The following DPP6 variants were observed in gnomAD, a reference collection of about 807,000 sequenced individuals.
DPP6 encodes A-type potassium channel modulatory protein DPP6.
DPP6 carries 69 observed loss-of-function variants against 122.6 expected under a neutral mutation model. That is an observed-to-expected ratio of 0.56 (90% CI 0.46 to 0.69). The LOEUF is 0.69. Ranked by LOEUF, DPP6 falls within the 30% of genes least tolerant of loss-of-function variation. The probability of loss-of-function intolerance (pLI) is 0.00; values close to 1 mark genes in which losing one functional copy is unlikely to be tolerated. For missense variants in DPP6, 928 were observed against 1,116.9 expected, an observed-to-expected ratio of 0.83 and a Z score of 2.41; for synonymous variants, 418 against 433.1, an observed-to-expected ratio of 0.97 and a Z score of 0.43.
Position 154,454,478 on chromosome 7 carries a change from G to C in DPP6, c.358+8150G>C, listed in dbSNP as rs116870468. On this transcript the variant is annotated intron_variant, in intron 2 of 25. Transcript: ENST00000377770. ...ACAGGATACATTCCTGGAAGGCTTC[G>C]TGGAGAATGAGCAATTAGGGACTTT... 3.3e-5 allele frequency among the ~76,000 whole-genome samples: 5 copies of C among 152,316 alleles called. No individual in the cohort carries two copies. The South Asian group carries it at 1.0e-3, about 32-fold the overall frequency.
At chr7:153,860,797 A>G in the DPP6 span, among the ~76,000 whole-genome samples, 1 of 152,184 alleles carries the variant, frequency 6.6e-6, no homozygotes, top group East Asian at 1.9e-4. Context: ...TATTTATAGC[A>G]TACTTTACCT....
rs571360810 is a variant in DPP6 at position 154,191,517 on chromosome 7, G to A, written c.243+138454G>A. ...AAATGTTGGTTTCCCTTTTCCCTCT[G>A]TGCAGACCAGCCTGCATTTACCCTT... On this transcript the variant is annotated intron_variant, in intron 1 of 25. Coordinates refer to ENST00000377770, the MANE Select transcript of DPP6 (RefSeq NM_130797.4). 2.6e-5 allele frequency among the ~76,000 whole-genome samples: 4 copies of A among 152,308 alleles called. No homozygotes were observed. The South Asian group carries it at 8.3e-4, about 32-fold the overall frequency.
Position 154,892,647 on chromosome 7 carries a change from C to G in DPP6, c.*167C>G. 3 of 1,384,048 alleles carry G rather than the reference C, an allele frequency of 2.2e-6. No homozygotes were observed. The highest frequency in any genetic ancestry group is 2.0e-6 in the Non-Finnish European group (2 of 1,006,170). 85.7% of individuals were successfully genotyped at this position (1,384,048 alleles called of 1,614,324 possible). A position where few individuals can be genotyped will look rare whatever the true frequency, so the allele number is the denominator to read the frequency against. ...GGCAGTTTTGCTTGGGAAACAAGCT[C>G]CTTCCCCGGGGTCATCACTCACGGC... On this transcript the variant is annotated 3_prime_UTR_variant, in exon 26 of 26. Transcript: ENST00000377770.
chr7:154,438,032 A>G (rs981598790), intron 1 of DPP6, among the ~76,000 whole-genome samples: 2 of 152,200 alleles, frequency 1.3e-5, no homozygotes, highest in East Asian at 3.8e-4. Flanking sequence ...TGTAGCTAGA[A>G]TATGCCGCAG....
chr7:154,656,925 G>A (rs1383453563), intron 6 of DPP6, among the ~76,000 whole-genome samples: 3 of 47,504 alleles, frequency 6.3e-5, no homozygotes, highest in African/African-American at 1.3e-4. Context: ...GAGGATGCGT[G>A]GGAGGAGGTG....
chr7:154,239,818 C>CAAAA (rs146860382), intron 1 of DPP6, among the ~76,000 whole-genome samples: 2 of 91,858 alleles, frequency 2.2e-5, no homozygotes, highest in African/African-American at 6.5e-5. Flanking sequence ...ACTAAAACTA[C>CAAAA]AAAAAAAAAA....
chr7:154,347,032 G>T (rs569119769), intron 1 of DPP6, among the ~76,000 whole-genome samples: 1 of 152,130 alleles, frequency 6.6e-6, no homozygotes, highest in African/African-American at 2.4e-5. Context: ...TAGGTATCAT[G>T]TATGTGCATG....
rs751955615 is a variant in DPP6, at chr7:154,876,095, C to T, written c.2073C>T (p.Ala691=). Residue 691 remains alanine, a synonymous_variant, in exon 20 of 26, where the codon GCC becomes GCT. Transcript: ENST00000377770. ...GLLEEKDQME[A]VRTMLKEQYI... ...TGGAGGAGAAGGACCAGATGGAGGCCGTGCGGTGAGCACCCGCCCAGGAAG... is the reference window on the plus strand; with the variant it reads ...TGGAGGAGAAGGACCAGATGGAGGCTGTGCGGTGAGCACCCGCCCAGGAAG... The T allele has an allele frequency of 1.0e-5, 16 of 1,585,626 alleles. No individual in the cohort carries two copies. Among genetic ancestry groups the T allele is most frequent in the East Asian group, 4.5e-5 (2 of 44,526 alleles).
intron 10 of DPP6, among the ~76,000 whole-genome samples, chr7:154,793,259 A>G (rs557227938): frequency 2.0e-5 from 3 of 152,314 alleles, no homozygotes; most frequent in South Asian, 2.1e-4. Context: ...CTTCTAGAAC[A>G]TTCTGGGATT....
At chr7:154,646,901 T>C (rs1836519797) in intron 6 of DPP6, among the ~76,000 whole-genome samples, 1 of 152,006 alleles carries the variant, frequency 6.6e-6, no homozygotes. Context: ...GCAAAGGGAG[T>C]CATTGCAGCT....
chr7:154,374,761 G>T (rs1403715167), intron 1 of DPP6, among the ~76,000 whole-genome samples: 1 of 151,898 alleles, frequency 6.6e-6, no homozygotes, highest in African/African-American at 2.4e-5. Flanking sequence ...ACAGGCGCCT[G>T]CCACCAGGCC....
At chr7:154,234,571 G>T (rs908290394) in intron 1 of DPP6, among the ~76,000 whole-genome samples, 3 of 151,928 alleles carry the variant, frequency 2.0e-5, no homozygotes, top group Admixed American at 2.0e-4. Flanking sequence ...TTATCACTTA[G>T]GTGGACAAAC....
Position 154,446,461 on chromosome 7 carries a change from A to G in DPP6, c.358+133A>G. 3 of 511,414 alleles carry G rather than the reference A, an allele frequency of 5.9e-6. No individual in the cohort carries two copies. The South Asian group carries it at 1.3e-4, about 22-fold the overall frequency. 31.7% of individuals were successfully genotyped at this position (511,414 alleles called of 1,614,324 possible). A position where few individuals can be genotyped will look rare whatever the true frequency, so the allele number is the denominator to read the frequency against. ...CAAGTTCTAATTCTCACTATGCCAT[A>G]TGATATAATATGGTTTCAATTTTAA... On this transcript the variant is annotated intron_variant, in intron 2 of 25. Coordinates refer to ENST00000377770, the MANE Select transcript of DPP6 (RefSeq NM_130797.4).
At chr7:154,433,520 G>A (rs1029864633) in intron 1 of DPP6, among the ~76,000 whole-genome samples, 6 of 151,816 alleles carry the variant, frequency 4.0e-5, no homozygotes, top group South Asian at 2.1e-4. Flanking sequence ...AAACACAAAC[G>A]TTCTCCCACC....
At chr7:154,589,509 T>A (rs1832677647) in intron 5 of DPP6, among the ~76,000 whole-genome samples, 1 of 152,212 alleles carries the variant, frequency 6.6e-6, no homozygotes, top group South Asian at 2.1e-4. Context: ...TGCGGCAGTG[T>A]CCACTGCGCT....
chr7:154,079,935 T>G (rs2150526669), intron 1 of DPP6, among the ~76,000 whole-genome samples: 1 of 151,574 alleles, frequency 6.6e-6, no homozygotes, highest in Non-Finnish European at 1.5e-5. Flanking sequence ...AGTGTGTCAG[T>G]CAGGGACCTG....
At chr7:154,487,113 T>C (rs114009779) in intron 3 of DPP6, among the ~76,000 whole-genome samples, 3,877 of 152,324 alleles carry the variant, frequency 0.025, 165 homozygotes, top group African/African-American at 0.087. Flanking sequence ...GTTTGCAGTA[T>C]ACAGAGGGAC....
intron 16 of DPP6, among the ~76,000 whole-genome samples, chr7:154,825,343 C>T (rs1418891623): frequency 6.6e-6 from 1 of 152,184 alleles, no homozygotes; most frequent in Non-Finnish European, 1.5e-5. Context: ...TTTAAATCTA[C>T]CTGTACTGAA....
chr7:153,853,490 C>A, the DPP6 span, among the ~76,000 whole-genome samples: 5 of 152,138 alleles, frequency 3.3e-5, no homozygotes, highest in Admixed American at 2.0e-4. Context: ...TTGTTGTCAA[C>A]CAGAATTTTT....
Sources: allele counts gnomAD v4.1 joint callset (sites outside exome capture counted in the v4.1 genomes callset), GRCh38; gene constraint gnomAD v4.1.1; transcripts MANE v1.5; gene names NCBI Gene and HGNC (gene_info 2026-07-23, HGNC 2026-07-21).